Variants in MBOAT2 observed in about 807,000 individuals in gnomAD.
The protein encoded by MBOAT2 is membrane-bound glycerophospholipid O-acyltransferase 2.
Under a neutral mutation model 63.4 loss-of-function variants are expected in MBOAT2, and 28 were observed. The observed-to-expected ratio is 0.44, with a 90% CI of 0.33 to 0.61. The LOEUF (loss-of-function observed/expected upper bound fraction) is 0.61. Ranked by LOEUF, MBOAT2 falls within the 20% of genes least tolerant of loss-of-function variation. The probability of loss-of-function intolerance (pLI) is 0.03; values close to 1 mark genes in which losing one functional copy is unlikely to be tolerated. For missense variants in MBOAT2, 470 were observed against 605.8 expected, an observed-to-expected ratio of 0.78 and a Z score of 2.35; for synonymous variants, 211 against 215.6, an observed-to-expected ratio of 0.98 and a Z score of 0.19.
intron 1 of MBOAT2, among the ~76,000 whole-genome samples, chr2:8,991,561 C>A (rs1671919168): frequency 6.6e-6 from 1 of 152,142 alleles, no homozygotes; most frequent in East Asian, 1.9e-4. Flanking sequence ...GGTTTCCAAG[C>A]ATTATGTAGT....
At chr2:8,942,977 A>C (rs1419621032) in intron 3 of MBOAT2, among the ~76,000 whole-genome samples, 2 of 152,202 alleles carry the variant, frequency 1.3e-5, no homozygotes, top group Non-Finnish European at 2.9e-5. Flanking sequence ...CTGAATGTCA[A>C]TGAATCATCC....
At chr2:8,901,640 G>A (rs949945941) in intron 4 of MBOAT2, among the ~76,000 whole-genome samples, 17 of 152,258 alleles carry the variant, frequency 1.1e-4, no homozygotes, top group African/African-American at 3.4e-4. Flanking sequence ...GAGGCACCCC[G>A]TATCCTAGCT....
chr2:8,855,288 G>A lies in MBOAT2; in HGVS notation c.*3391C>T, dbSNP rs548374205. 6.6e-5 allele frequency: 10 copies of A among 152,304 alleles called. No individual in the cohort carries two copies. The highest frequency in any genetic ancestry group is 1.7e-4 in the African/African-American group (7 of 41,548). The allele number at this position is 152,304 out of a possible 1,614,324, so 9.4% of individuals were successfully genotyped here. A position where few individuals can be genotyped will look rare whatever the true frequency, so the allele number is the denominator to read the frequency against. On this transcript the variant is annotated 3_prime_UTR_variant, in exon 13 of 13. Transcript: ENST00000305997. Reference sequence around the variant, plus strand: ...GGTCCTGAACTCTTAGGATTAACCCGTTTGCTTATGGCTGAGGAACTTGGG... The same window carrying A: ...GGTCCTGAACTCTTAGGATTAACCCATTTGCTTATGGCTGAGGAACTTGGG...
At chr2:8,991,383 ACCTT>A (rs1671911087) in intron 1 of MBOAT2, among the ~76,000 whole-genome samples, 1 of 152,192 alleles carries the variant, frequency 6.6e-6, no homozygotes, top group South Asian at 2.1e-4. Flanking sequence ...TGAAATTCCA[ACCTT>A]CCACTGTAAT....
intron 4 of MBOAT2, among the ~76,000 whole-genome samples, chr2:8,891,939 A>G (rs2148556960): frequency 6.6e-6 from 1 of 152,356 alleles, no homozygotes; most frequent in Non-Finnish European, 1.5e-5. Context: ...ACTTCAACTG[A>G]TGTAACAGTT....
intron 3 of MBOAT2, among the ~76,000 whole-genome samples, chr2:8,928,785 T>G (rs1667111738): frequency 6.6e-6 from 1 of 152,150 alleles, no homozygotes; most frequent in African/African-American, 2.4e-5. Flanking sequence ...AAATCACATA[T>G]CATATAGACT....
chr2:8,911,197 G>C (rs1053125629), intron 3 of MBOAT2, among the ~76,000 whole-genome samples: 1 of 152,106 alleles, frequency 6.6e-6, no homozygotes, highest in African/African-American at 2.4e-5. Context: ...TTAGTCCACT[G>C]GTCCTCAAAT....
intron 1 of MBOAT2, among the ~76,000 whole-genome samples, chr2:8,971,563 G>C (rs1670459520): frequency 6.6e-6 from 1 of 152,212 alleles, no homozygotes; most frequent in Non-Finnish European, 1.5e-5. Context: ...GTTAGGAAAA[G>C]AGGAAGTCAA....
intron 9 of MBOAT2, among the ~76,000 whole-genome samples, chr2:8,866,228 C>T (rs1004545286): frequency 2.0e-5 from 3 of 151,904 alleles, no homozygotes; most frequent in Non-Finnish European, 2.9e-5. Context: ...GATGAAAATT[C>T]GTTCTTAAGG....
chr2:8,929,129 T>C lies in MBOAT2; in HGVS notation c.299+14058A>G, dbSNP rs569894589. Among the ~76,000 whole-genome samples the C allele has an allele frequency of 4.6e-5, 7 of 152,338 alleles. No homozygotes were observed. The South Asian group carries it at 1.2e-3, about 27-fold the overall frequency. On this transcript the variant is annotated intron_variant, in intron 3 of 12. Transcript: ENST00000305997. ...TAAATTGGCTGGTACCTTTTTTGTA[T>C]GCCAGGTGGGGATAAAAGAGTATAA...
At chr2:8,952,739 T>C (rs1025326729) in intron 2 of MBOAT2, among the ~76,000 whole-genome samples, 5 of 123,134 alleles carry the variant, frequency 4.1e-5, no homozygotes, top group African/African-American at 5.7e-5. Flanking sequence ...TGTAACGCCC[T>C]TTTTTTTTTT....
intron 1 of MBOAT2, among the ~76,000 whole-genome samples, chr2:8,993,129 GCTT>G (rs1672031041): frequency 6.6e-6 from 1 of 152,290 alleles, no homozygotes; most frequent in Non-Finnish European, 1.5e-5. Context: ...TGCTCATAAA[GCTT>G]CTTTTTCCAA....
chr2:8,975,674 C>A (rs1016048900), intron 1 of MBOAT2, among the ~76,000 whole-genome samples: 1 of 151,724 alleles, frequency 6.6e-6, no homozygotes, highest in Non-Finnish European at 1.5e-5. Flanking sequence ...CGTAAGGACA[C>A]ATTCTATCAA....
intron 1 of MBOAT2, among the ~76,000 whole-genome samples, chr2:8,959,514 T>G (rs994572362): frequency 2.0e-5 from 3 of 151,740 alleles, no homozygotes; most frequent in Non-Finnish European, 2.9e-5. Context: ...CAGGCTGGAC[T>G]GCAGTGGTGA....
At chr2:8,899,499 G>A (rs1484807999) in intron 4 of MBOAT2, among the ~76,000 whole-genome samples, 3 of 152,182 alleles carry the variant, frequency 2.0e-5, no homozygotes, top group Non-Finnish European at 2.9e-5. Context: ...AACCGTACCT[G>A]GGGCTCAGTG....
intron 1 of MBOAT2, among the ~76,000 whole-genome samples, chr2:8,989,326 T>C (rs2103357393): frequency 6.6e-6 from 1 of 152,352 alleles, no homozygotes; most frequent in African/African-American, 2.4e-5. Context: ...ATTGTGGGCA[T>C]GCCTCATGGG....
intron 3 of MBOAT2, among the ~76,000 whole-genome samples, chr2:8,934,147 T>A (rs1478556721): frequency 2.0e-5 from 3 of 152,156 alleles, no homozygotes; most frequent in Admixed American, 1.3e-4. Context: ...ACTGAGAATA[T>A]TTTAAAAACC....
intron 6 of MBOAT2, among the ~76,000 whole-genome samples, chr2:8,881,667 C>A (rs1275459754): frequency 6.6e-6 from 1 of 152,046 alleles, no homozygotes; most frequent in Non-Finnish European, 1.5e-5. Flanking sequence ...AACCTCTCGT[C>A]AGGAAAGCTA....
chr2:8,932,433 C>G (rs777261140), intron 3 of MBOAT2, among the ~76,000 whole-genome samples: 5 of 152,092 alleles, frequency 3.3e-5, no homozygotes, highest in Non-Finnish European at 5.9e-5. Flanking sequence ...AGTCACAATA[C>G]AATGCAATAC....
Sources: gnomAD v4.1 joint callset for allele counts (sites outside exome capture counted in the v4.1 genomes callset) on GRCh38, gnomAD v4.1.1 for gene constraint, MANE v1.5 for transcripts, NCBI Gene and HGNC (gene_info 2026-07-23, HGNC 2026-07-21) for gene names.